LHFPL2: variants seen among roughly 807,000 people sequenced by gnomAD.
LHFPL2 encodes the protein LHFPL tetraspan subfamily member 2 protein.
LHFPL2 carries 7 observed loss-of-function variants against 17.5 expected under a neutral mutation model. The ratio of observed to expected loss-of-function variants is 0.40; its 90% confidence interval spans 0.23 to 0.75. The LOEUF is 0.75. Among genes scored for constraint, LHFPL2 ranks in the 30% least tolerant of loss-of-function variants. The pLI is 0.37. For missense variants in LHFPL2, 241 were observed against 294.8 expected, an observed-to-expected ratio of 0.82 and a Z score of 1.34; for synonymous variants, 134 against 116.2, an observed-to-expected ratio of 1.15 and a Z score of -0.99.
At position 78,487,560 on chromosome 5, in the gene LHFPL2, G is replaced by A. The variant is rs1441339045; in HGVS notation, c.*1337C>T. ...ATTTTGAAGCTCCCATAATGTCAGAGTAGCTTGTTTCTGTGCTGCTCTGGT... is the reference window on the plus strand; with the variant it reads ...ATTTTGAAGCTCCCATAATGTCAGAATAGCTTGTTTCTGTGCTGCTCTGGT... On this transcript the variant is annotated 3_prime_UTR_variant, in exon 5 of 5. Transcript: ENST00000380345. 1 of 152,184 alleles carries A rather than the reference G, an allele frequency of 6.6e-6. No homozygotes were observed. Among genetic ancestry groups the A allele is most frequent in the African/African-American group, 2.4e-5 (1 of 41,444 alleles). 9.4% of individuals were successfully genotyped at this position (152,184 alleles called of 1,614,324 possible).
chr5:78,556,285 T>C (rs539573868), intron 3 of LHFPL2, among the ~76,000 whole-genome samples: 67 of 152,346 alleles, frequency 4.4e-4, no homozygotes, highest in East Asian at 1.2e-3. Context: ...AGGTCATAAA[T>C]GTCACTATTA....
chr5:78,558,691 A>G (rs578174315), intron 3 of LHFPL2, among the ~76,000 whole-genome samples: 17 of 152,276 alleles, frequency 1.1e-4, no homozygotes, highest in African/African-American at 4.1e-4. Context: ...ATCTGATTGG[A>G]TAGAGGACCA....
chr5:78,497,375 T>C (rs917454451), intron 4 of LHFPL2, among the ~76,000 whole-genome samples: 1 of 152,188 alleles, frequency 6.6e-6, no homozygotes, highest in African/African-American at 2.4e-5. Context: ...CCGGCCTCTC[T>C]CACCCGGGCT....
At chr5:78,565,744 T>C (rs1268136277) in intron 2 of LHFPL2, among the ~76,000 whole-genome samples, 1 of 152,198 alleles carries the variant, frequency 6.6e-6, no homozygotes, top group Non-Finnish European at 1.5e-5. Context: ...CTCAATACCA[T>C]AGGATCCAGG....
intron 2 of LHFPL2, among the ~76,000 whole-genome samples, chr5:78,579,299 A>G (rs1742977186): frequency 6.6e-6 from 1 of 150,660 alleles, no homozygotes; most frequent in South Asian, 2.1e-4. Flanking sequence ...TAAGATTCTT[A>G]GTGCTCGCAA....
intron 2 of LHFPL2, among the ~76,000 whole-genome samples, chr5:78,600,563 T>TA (rs1055557501): frequency 2.6e-5 from 4 of 152,026 alleles, no homozygotes; most frequent in Non-Finnish European, 5.9e-5. Flanking sequence ...ACCCTGTCTC[T>TA]ACTAAAAATA....
chr5:78,510,141 G>A lies in LHFPL2; in HGVS notation c.73C>T (p.Leu25Phe), dbSNP rs1356875195. ...CAGTCTGCACTCATGAAGGCAATGA[G>A]CTCGGCAAAAGCCACCACAATACTC... ...LLSIVVAFAE[L>F]IAFMSADWLI... The change falls in exon 4 of 5, where the codon CTC becomes TTC. Residue 25 changes from leucine to phenylalanine, a missense_variant. Coordinates refer to ENST00000380345, the MANE Select transcript of LHFPL2 (RefSeq NM_005779.3). The A allele has an allele frequency of 1.9e-5, 31 of 1,612,878 alleles. No individual in the cohort carries two copies. Among genetic ancestry groups the A allele is most frequent in the African/African-American group, 2.7e-5 (2 of 74,896 alleles).
chr5:78,608,452 C>T (rs572887276), intron 2 of LHFPL2, among the ~76,000 whole-genome samples: 1 of 152,152 alleles, frequency 6.6e-6, no homozygotes, highest in East Asian at 1.9e-4. Flanking sequence ...AAATACAAGT[C>T]AAGCAAAGAC....
chr5:78,502,313 T>C (rs1754799338), intron 4 of LHFPL2, among the ~76,000 whole-genome samples: 1 of 152,244 alleles, frequency 6.6e-6, no homozygotes, highest in African/African-American at 2.4e-5. Flanking sequence ...AGAAGAAAGA[T>C]GCAGTTTCTC....
At chr5:78,619,549 G>A (rs1744756472) in intron 2 of LHFPL2, among the ~76,000 whole-genome samples, 1 of 147,198 alleles carries the variant, frequency 6.8e-6, no homozygotes, top group South Asian at 2.1e-4. Context: ...TGTGCACAAT[G>A]TGCAGGTTTG....
chr5:78,516,740 G>A (rs962491921), intron 3 of LHFPL2, among the ~76,000 whole-genome samples: 3 of 152,064 alleles, frequency 2.0e-5, no homozygotes, highest in African/African-American at 4.8e-5. Context: ...TGCTAGTTTG[G>A]ATGTCCAAGA....
intron 3 of LHFPL2, among the ~76,000 whole-genome samples, chr5:78,521,346 G>C (rs2042974): frequency 0.32 from 48,728 of 152,078 alleles, 7,973 homozygotes; most frequent in Middle Eastern, 0.39. Context: ...TTTCTGATGA[G>C]TATTTTTATT....
At chr5:78,567,118 A>G (rs996060090) in intron 2 of LHFPL2, among the ~76,000 whole-genome samples, 1 of 152,262 alleles carries the variant, frequency 6.6e-6, no homozygotes, top group African/African-American at 2.4e-5. Flanking sequence ...CGGAAAAGGC[A>G]GAATTGTATC....
chr5:78,581,439 A>C (rs1743134249), intron 2 of LHFPL2, among the ~76,000 whole-genome samples: 1 of 152,130 alleles, frequency 6.6e-6, no homozygotes, highest in South Asian at 2.1e-4. Flanking sequence ...TGTCATAGAT[A>C]GCTCTTATTA....
chr5:78,566,432 AT>A (rs1756861094), intron 2 of LHFPL2, among the ~76,000 whole-genome samples: 1 of 152,224 alleles, frequency 6.6e-6, no homozygotes, highest in Non-Finnish European at 1.5e-5. Context: ...TTCTGAATTC[AT>A]AAAGTCCTTT....
intron 1 of LHFPL2, among the ~76,000 whole-genome samples, chr5:78,645,592 A>T (rs866233773): frequency 2.3e-5 from 3 of 129,958 alleles, no homozygotes; most frequent in African/African-American, 6.0e-5. Context: ...ACACACACAC[A>T]TTTTTTTTGA....
At chr5:78,529,204 T>TG (rs1484689882) in intron 3 of LHFPL2, among the ~76,000 whole-genome samples, 1 of 152,168 alleles carries the variant, frequency 6.6e-6, no homozygotes, top group Non-Finnish European at 1.5e-5. Context: ...GAGGATCACT[T>TG]GAGCCCAGGG....
chr5:78,489,067 C>A lies in LHFPL2; in HGVS notation c.517G>T (p.Ala173Ser). 3.1e-6 allele frequency: 5 copies of A among 1,614,214 alleles called. No individual in the cohort carries two copies. The highest frequency in any genetic ancestry group is 1.7e-6 in the Non-Finnish European group (2 of 1,180,038). The change falls in exon 5 of 5, where the codon GCC (alanine) becomes TCC (serine). Residue 173 changes from alanine to serine, a missense_variant. Ala to Ser is a moderately conservative substitution (Grantham distance 99). Coordinates refer to ENST00000380345, the MANE Select transcript of LHFPL2 (RefSeq NM_005779.3). Reference sequence around the variant, plus strand: ...AAGGAGCAGTCTCCAGGTTTGTAGGCAGATGCATAATGTCCACAGTAGTCT... The same window carrying A: ...AAGGAGCAGTCTCCAGGTTTGTAGGAAGATGCATAATGTCCACAGTAGTCT... The part of the protein sequence containing the change: ...AIDYCGHYAS[A>S]YKPGDCSLGW...
At chr5:78,628,548 C>G (rs1745139351) in intron 2 of LHFPL2, among the ~76,000 whole-genome samples, 1 of 152,178 alleles carries the variant, frequency 6.6e-6, no homozygotes, top group South Asian at 2.1e-4. Context: ...AGCCCCTTCT[C>G]ACTCAGAGTA....
Sources: allele counts gnomAD v4.1 joint callset (sites outside exome capture counted in the v4.1 genomes callset), GRCh38; gene constraint gnomAD v4.1.1; transcripts MANE v1.5; gene names NCBI Gene and HGNC (gene_info 2026-07-23, HGNC 2026-07-21).